Variants in CDH18 observed in about 807,000 individuals in gnomAD.
CDH18 encodes the protein cadherin 18.
In CDH18, 31 loss-of-function variants were observed where a neutral mutation model predicts 67.9. The ratio of observed to expected loss-of-function variants is 0.46; its 90% confidence interval spans 0.34 to 0.62. The LOEUF (loss-of-function observed/expected upper bound fraction) is 0.62. CDH18 is among the 20% of genes least tolerant of loss of function. CDH18 has a pLI of 0.01. For missense variants in CDH18, 890 were observed against 975.5 expected, an observed-to-expected ratio of 0.91 and a Z score of 1.17; for synonymous variants, 362 against 347.2, an observed-to-expected ratio of 1.04 and a Z score of -0.48.
intron 2 of CDH18, among the ~76,000 whole-genome samples, chr5:20,060,263 G>A (rs747883546): frequency 6.6e-6 from 1 of 151,902 alleles, no homozygotes; most frequent in African/African-American, 2.4e-5. Flanking sequence ...TCAGGAGTTC[G>A]GGACCAGCCT....
chr5:20,022,070 T>A lies in CDH18; in HGVS notation c.-517-30056A>T, dbSNP rs571786735. Among the ~76,000 whole-genome samples the A allele has an allele frequency of 4.6e-5, 7 of 152,340 alleles. No individual in the cohort carries two copies. In the South Asian group the frequency reaches 1.4e-3, roughly 32 times the overall value. On this transcript the variant is annotated intron_variant, in intron 2 of 14. Coordinates refer to the CDH18 transcript ENST00000507958. ...GTTTTTCAAAGGATTAATCACAATGTGTCTATTGTTATTTTCTTATTATCC... is the reference window on the plus strand; with the variant it reads ...GTTTTTCAAAGGATTAATCACAATGAGTCTATTGTTATTTTCTTATTATCC...
chr5:20,512,887 A>G (rs1038799183), intron 1 of CDH18, among the ~76,000 whole-genome samples: 2 of 41,174 alleles, frequency 4.9e-5, no homozygotes, highest in Non-Finnish European at 1.1e-4. Flanking sequence ...CTGTCTCCAA[A>G]AAAAAAAAAA....
chr5:20,192,162 G>C (rs1407403162), intron 2 of CDH18, among the ~76,000 whole-genome samples: 1 of 150,778 alleles, frequency 6.6e-6, no homozygotes, highest in Non-Finnish European at 1.5e-5. Context: ...GTCTTCTTTT[G>C]AGAAGTGTTT....
intron 2 of CDH18, among the ~76,000 whole-genome samples, chr5:20,014,306 G>C (rs2150420379): frequency 6.6e-6 from 1 of 152,208 alleles, no homozygotes; most frequent in Middle Eastern, 3.4e-3. Flanking sequence ...AGAAACAGAA[G>C]GTGGAAGTGT....
rs188299377 is a variant in CDH18, at chr5:19,776,202, T to G, written c.229-28966A>C. 5.9e-5 allele frequency among the ~76,000 whole-genome samples: 9 copies of G among 152,238 alleles called. No individual in the cohort carries two copies. The East Asian group carries it at 1.7e-3, about 29-fold the overall frequency. ...GCAGATTTGACACAATAAAGAAAAT[T>G]AGAGTAAACTTAAACATTATGGTCA... On this transcript the variant is annotated intron_variant, in intron 3 of 12. Transcript: ENST00000382275.
intron 1 of CDH18, among the ~76,000 whole-genome samples, chr5:20,419,724 G>A (rs1415915436): frequency 1.3e-5 from 2 of 150,462 alleles, no homozygotes; most frequent in African/African-American, 5.0e-5. Flanking sequence ...TGATCCTCCC[G>A]CCTCGGCCTC....
At chr5:20,062,140 A>AGTTATTATT (rs10682375) in intron 2 of CDH18, among the ~76,000 whole-genome samples, 1 of 137,930 alleles carries the variant, frequency 7.3e-6, no homozygotes, top group Admixed American at 7.5e-5. Flanking sequence ...TTAAGCCCAG[A>AGTTATTATT]ATTATTATTA....
At chr5:19,682,623 CTCTT>C (rs1760497490) in intron 5 of CDH18, among the ~76,000 whole-genome samples, 1 of 152,052 alleles carries the variant, frequency 6.6e-6, no homozygotes, top group Non-Finnish European at 1.5e-5. Context: ...TAACTGGTCT[CTCTT>C]TCACTCTTTG....
chr5:19,990,265 C>A (rs1024167740), upstream of CDH18, among the ~76,000 whole-genome samples: 7 of 152,186 alleles, frequency 4.6e-5, no homozygotes, highest in African/African-American at 1.4e-4. Context: ...CTAGAAAACC[C>A]TAACTCTGTT....
chr5:20,447,160 C>G (rs1486264421), intron 1 of CDH18, among the ~76,000 whole-genome samples: 1 of 151,872 alleles, frequency 6.6e-6, no homozygotes, highest in African/African-American at 2.4e-5. Flanking sequence ...TCCTTACTTC[C>G]TCTCTCCTTC....
intron 1 of CDH18, among the ~76,000 whole-genome samples, chr5:20,378,896 A>G (rs142851833): frequency 1.3e-5 from 2 of 152,254 alleles, no homozygotes; most frequent in South Asian, 4.1e-4. Context: ...AAAAACAATA[A>G]GAAAAGATAT....
chr5:20,006,118 TATATAG>T (rs996717598), intron 2 of CDH18, among the ~76,000 whole-genome samples: 5 of 151,870 alleles, frequency 3.3e-5, no homozygotes, highest in African/African-American at 1.2e-4. Flanking sequence ...AGGGGGTAAG[TATATAG>T]ATTTCATTAT....
intron 2 of CDH18, among the ~76,000 whole-genome samples, chr5:19,846,702 T>A (rs1782999283): frequency 6.6e-6 from 1 of 152,082 alleles, no homozygotes; most frequent in African/African-American, 2.4e-5. Context: ...GAAACTGAAC[T>A]TCCATATATA....
intron 8 of CDH18, among the ~76,000 whole-genome samples, chr5:19,569,623 C>T (rs77222602): frequency 0.013 from 1,933 of 152,188 alleles, 35 homozygotes; most frequent in African/African-American, 0.042. Flanking sequence ...ACTATAATAT[C>T]GCACGTTACA....
intron 11 of CDH18, among the ~76,000 whole-genome samples, chr5:19,492,503 A>G (rs969464001): frequency 1.3e-5 from 2 of 152,150 alleles, no homozygotes; most frequent in African/African-American, 4.8e-5. Context: ...AAATTATTTG[A>G]TGTTAAAATT....
intron 3 of CDH18, among the ~76,000 whole-genome samples, chr5:19,761,478 A>T (rs1772335685): frequency 6.6e-6 from 1 of 152,172 alleles, no homozygotes; most frequent in Non-Finnish European, 1.5e-5. Context: ...TCTGCAAAGG[A>T]CTATCAGTGT....
intron 6 of CDH18, among the ~76,000 whole-genome samples, chr5:19,608,745 T>G (rs76132896): frequency 9.1e-4 from 138 of 151,938 alleles, no homozygotes; most frequent in African/African-American, 3.3e-3. Flanking sequence ...GAAAGTTATG[T>G]TAGATTAAGC....
intron 4 of CDH18, among the ~76,000 whole-genome samples, chr5:19,730,268 C>A (rs759366590): frequency 6.6e-6 from 1 of 152,200 alleles, no homozygotes; most frequent in African/African-American, 2.4e-5. Flanking sequence ...ATTTGTCTAA[C>A]TGCCAGTTGA....
At chr5:19,967,158 T>A (rs1248013975) in intron 2 of CDH18, among the ~76,000 whole-genome samples, 2 of 151,904 alleles carry the variant, frequency 1.3e-5, no homozygotes, top group Non-Finnish European at 2.9e-5. Flanking sequence ...AAAGCTATAG[T>A]AAACTAAATA....
Sources: allele counts gnomAD v4.1 joint callset (sites outside exome capture counted in the v4.1 genomes callset), GRCh38; gene constraint gnomAD v4.1.1; transcripts MANE v1.5; gene names NCBI Gene and HGNC (gene_info 2026-07-23, HGNC 2026-07-21).